Variants in PCDHA3 observed in about 807,000 individuals in gnomAD.
PCDHA3 encodes protocadherin alpha 3.
Under a neutral mutation model 62.2 loss-of-function variants are expected in PCDHA3, and 41 were observed. The ratio of observed to expected loss-of-function variants is 0.66; its 90% CI spans 0.51 to 0.86. The LOEUF (loss-of-function observed/expected upper bound fraction) is 0.86. Among genes scored for constraint, PCDHA3 ranks in the 40% least tolerant of loss-of-function variants. The probability of loss-of-function intolerance (pLI) is 0.00; values close to 1 mark genes in which losing one functional copy is unlikely to be tolerated. For synonymous variants in PCDHA3, 640 were observed against 555.4 expected (o/e 1.15, Z -2.14); for missense variants, 1,304 against 1,241.2 (o/e 1.05, Z -0.76).
At chr5:140,936,311 T>C (rs1451314089) in intron 1 of PCDHA3, among the ~76,000 whole-genome samples, 1 of 152,228 alleles carries the variant, frequency 6.6e-6, no homozygotes, top group African/African-American at 2.4e-5. Flanking sequence ...AATAGAACTT[T>C]CTGACATGCT....
rs1489992894 is a variant in PCDHA3, at chr5:140,841,079, G to A, written c.2394+37488G>A. ...AAATTATGATAAAGAAATAGAAAGT[G>A]CATAGAAGAACCCAGATATTGCGGA... On this transcript the variant is annotated intron_variant, in intron 1 of 3. Transcript: ENST00000522353. 3.0e-5 allele frequency: 16 copies of A among 535,434 alleles called. No homozygotes were observed. The East Asian group carries it at 5.1e-4, about 17-fold the overall frequency. 33.2% of individuals were successfully genotyped at this position (535,434 alleles called of 1,614,324 possible). A position where few individuals can be genotyped will look rare whatever the true frequency, so the allele number is the denominator to read the frequency against.
chr5:140,802,089 G>A lies in PCDHA3; in HGVS notation c.892G>A (p.Val298Ile), dbSNP rs978364846. The part of the protein sequence containing the change: ...DILSKFHLDP[V>I]NGQISVKGNI... ...TCTGTCAAAATTCCATTTAGATCCA[G>A]TCAATGGACAAATCAGTGTAAAGGG... The change falls in exon 1 of 4, where the codon GTC becomes ATC. Residue 298 changes from valine (V) to isoleucine (I), a missense_variant. Coordinates refer to ENST00000522353, the MANE Select transcript of PCDHA3 (RefSeq NM_018906.3). 4.3e-6 allele frequency: 7 copies of A among 1,614,086 alleles called. No individual in the cohort carries two copies. The highest frequency in any genetic ancestry group is 5.9e-6 in the Non-Finnish European group (7 of 1,180,042).
At chr5:140,945,641 C>T (rs1253716354) in intron 1 of PCDHA3, among the ~76,000 whole-genome samples, 3 of 151,972 alleles carry the variant, frequency 2.0e-5, no homozygotes, top group Non-Finnish European at 2.9e-5. Context: ...GACATGTAGA[C>T]CAATGGAGCA....
In PCDHA3 at chr5:140,848,506, C is replaced by G. The variant is rs1229499943; in HGVS notation, c.2394+44915C>G. 13 of 1,588,314 alleles carry G rather than the reference C, an allele frequency of 8.2e-6. 2 individuals carry two copies. The highest frequency in any genetic ancestry group is 1.3e-5 in the African/African-American group (1 of 74,152). On this transcript the variant is annotated intron_variant, in intron 1 of 3. Transcript: ENST00000522353. ...GACTGAGTATTTGAAATGTTATACT[C>G]AAGTCGAGGAGATCCAGAGGGTCAG...
chr5:141,010,343 G>C lies in PCDHA3; in HGVS notation c.*406G>C. 1 of 1,518,858 alleles carries C rather than the reference G, an allele frequency of 6.6e-7. No homozygotes were observed. Among genetic ancestry groups the C allele is most frequent in the Admixed American group, 2.1e-5 (1 of 46,514 alleles). 94.1% of individuals were successfully genotyped at this position (1,518,858 alleles called of 1,614,324 possible). A position where few individuals can be genotyped will look rare whatever the true frequency, so the allele number is the denominator to read the frequency against. On this transcript the variant is annotated 3_prime_UTR_variant, in exon 4 of 4. Coordinates refer to ENST00000522353, the MANE Select transcript of PCDHA3 (RefSeq NM_018906.3). ...GCAGCTTGGGAGTTTGTGGCCACTGGGTATGTGTGGCTACCGCGGGTATGC... is the reference window on the plus strand; with the variant it reads ...GCAGCTTGGGAGTTTGTGGCCACTGCGTATGTGTGGCTACCGCGGGTATGC...
At position 140,845,310 on chromosome 5, in the gene PCDHA3, CAG is replaced by C. The variant is rs2150378304; in HGVS notation, c.2394+41720_2394+41721del. On this transcript the variant is annotated intron_variant, in intron 1 of 3. Transcript: ENST00000522353. ...ATCCTGTCTATGTCTACCTGGTTCT[CAG>C]GTATTACTTTAATTACTGAATTCTC... Among the ~76,000 whole-genome samples the C allele has an allele frequency of 4.5e-4, 68 of 149,506 alleles. 3 individuals carry two copies. The highest frequency in any genetic ancestry group is 6.9e-3 in the Middle Eastern group (2 of 290).
chr5:140,856,138 C>T (rs1463600919), intron 1 of PCDHA3: 4 of 1,598,158 alleles, frequency 2.5e-6, no homozygotes, highest in East Asian at 4.5e-5. Flanking sequence ...GCGGCCAGCT[C>T]CACTACTCAG....
intron 1 of PCDHA3, chr5:140,835,213 T>C: frequency 1.3e-6 from 2 of 1,576,900 alleles, no homozygotes; most frequent in Non-Finnish European, 1.7e-6. Context: ...AATGGGGATA[T>C]TATTTACTCC....
chr5:140,882,002 G>A (rs2153382146), intron 1 of PCDHA3: 1 of 489,088 alleles, frequency 2.0e-6, no homozygotes, highest in South Asian at 5.2e-5. Context: ...AAATGCAAGG[G>A]GCAAAAAAAT....
intron 1 of PCDHA3, chr5:140,807,057 T>C: frequency 4.6e-6 from 5 of 1,093,648 alleles, no homozygotes; most frequent in Non-Finnish European, 6.6e-6. Context: ...CTATTCTTAC[T>C]GGAAGGAACC....
chr5:140,980,015 G>A (rs1164072132), intron 2 of PCDHA3, among the ~76,000 whole-genome samples: 2 of 152,192 alleles, frequency 1.3e-5, no homozygotes, highest in East Asian at 3.9e-4. Flanking sequence ...CATTACAAAT[G>A]AGCAGAAATC....
chr5:140,829,605 C>A (rs2150171072), intron 1 of PCDHA3: 1 of 1,612,104 alleles, frequency 6.2e-7, no homozygotes, highest in Non-Finnish European at 8.5e-7. Context: ...CGCGCGTTGT[C>A]GAGCTACATT....
chr5:140,843,922 A>C, intron 1 of PCDHA3: 1 of 591,956 alleles, frequency 1.7e-6, no homozygotes, highest in Non-Finnish European at 2.9e-6. Flanking sequence ...CTATCTTGAA[A>C]CTCAAGTTAT....
At chr5:140,882,646 T>C (rs1554175002) in intron 1 of PCDHA3, 1 of 1,614,112 alleles carries the variant, frequency 6.2e-7, no homozygotes, top group South Asian at 1.1e-5. Flanking sequence ...TGAGGGACAT[T>C]AACGACAACC....
At chr5:140,814,232 G>GTT (rs1765467987) in intron 1 of PCDHA3, 6 of 146,362 alleles carry the variant, frequency 4.1e-5, no homozygotes, top group African/African-American at 1.6e-4. Context: ...TTTTGTTGTT[G>GTT]TTGTTAAAAA....
chr5:140,825,706 G>A (rs1476381840), intron 1 of PCDHA3: 1 of 152,286 alleles, frequency 6.6e-6, no homozygotes, highest in Non-Finnish European at 1.5e-5. Context: ...GCAGGCATGA[G>A]CCATCGCGCC....
chr5:140,813,460 T>A (rs1554126200), intron 1 of PCDHA3: 1 of 152,200 alleles, frequency 6.6e-6, no homozygotes, highest in Non-Finnish European at 1.5e-5. Flanking sequence ...CAATGGTAAG[T>A]ATTTGTATAC....
chr5:140,968,632 C>T, intron 1 of PCDHA3: 1 of 1,614,176 alleles, frequency 6.2e-7, no homozygotes, highest in Non-Finnish European at 8.5e-7. Flanking sequence ...GGCTTTTTTA[C>T]CATCTAGCCC....
At chr5:141,008,626 A>G (rs375674921) in intron 3 of PCDHA3, among the ~76,000 whole-genome samples, 1 of 152,222 alleles carries the variant, frequency 6.6e-6, no homozygotes. Context: ...TTTCTCAAGT[A>G]TAATTAACAA....
Sources: allele counts gnomAD v4.1 joint callset (sites outside exome capture counted in the v4.1 genomes callset), GRCh38; gene constraint gnomAD v4.1.1; transcripts MANE v1.5; gene names NCBI Gene and HGNC (gene_info 2026-07-23, HGNC 2026-07-21).